Variants in GPR158 observed in about 807,000 individuals in gnomAD.
GPR158 encodes metabotropic glycine receptor.
GPR158 carries 30 observed loss-of-function variants against 78.2 expected under a neutral mutation model. The observed-to-expected ratio is 0.38, with a 90% CI of 0.29 to 0.52. The LOEUF (loss-of-function observed/expected upper bound fraction) is 0.52. Among genes scored for constraint, GPR158 ranks in the 20% least tolerant of loss-of-function variants. The probability of loss-of-function intolerance (pLI) is 0.83; values close to 1 mark genes in which losing one functional copy is unlikely to be tolerated. For missense variants in GPR158, 1,463 were observed against 1,523.5 expected (o/e 0.96, Z 0.66); for synonymous variants, 581 against 591.1 (o/e 0.98, Z 0.25).
chr10:25,433,570 T>TGTGTGTAC, intron 4 of GPR158, among the ~76,000 whole-genome samples: 1 of 128,750 alleles, frequency 7.8e-6, no homozygotes, highest in African/African-American at 2.8e-5. Flanking sequence ...TGTGTGTGTG[T>TGTGTGTAC]GCGCGCGCGC....
At chr10:25,220,481 A>G (rs1343784972) in intron 1 of GPR158, among the ~76,000 whole-genome samples, 1 of 152,224 alleles carries the variant, frequency 6.6e-6, no homozygotes, top group East Asian at 1.9e-4. Context: ...TTAAAAGAAA[A>G]AAGAATGTAG....
intron 1 of GPR158, among the ~76,000 whole-genome samples, chr10:25,200,623 T>C (rs781666723): frequency 6.6e-6 from 1 of 152,184 alleles, no homozygotes; most frequent in Non-Finnish European, 1.5e-5. Flanking sequence ...TCCAGGGTTT[T>C]TATAGTCTTA....
intron 7 of GPR158, among the ~76,000 whole-genome samples, chr10:25,586,451 T>C (rs1199119263): frequency 7.0e-6 from 1 of 143,060 alleles, no homozygotes; most frequent in African/African-American, 2.7e-5. Flanking sequence ...TCACCCAGGC[T>C]GGAGTGCAGT....
chr10:25,335,092 A>G (rs576932339), intron 2 of GPR158, among the ~76,000 whole-genome samples: 33 of 152,202 alleles, frequency 2.2e-4, no homozygotes, highest in African/African-American at 7.9e-4. Context: ...TGCTACAGAT[A>G]CTTATTCAGG....
At chr10:25,186,442 T>G (rs1471456422) in intron 1 of GPR158, among the ~76,000 whole-genome samples, 4 of 152,134 alleles carry the variant, frequency 2.6e-5, no homozygotes, top group Non-Finnish European at 5.9e-5. Context: ...GAGCTGTTTT[T>G]TTGAAAAGAT....
At position 25,205,534 on chromosome 10, in the gene GPR158, C is replaced by T. The variant is rs1280573451; in HGVS notation, c.903-15518C>T. Among the ~76,000 whole-genome samples, 8 of 151,978 alleles carry T rather than the reference C, an allele frequency of 5.3e-5. No individual in the cohort carries two copies. In the East Asian group the frequency reaches 1.5e-3, roughly 29 times the overall value. The stretch of plus-strand genomic sequence containing the variant: ...GATGTTCGGCTGTTAATTTGAGATC[C>T]TTCTTTTTTGGTGTGGGCAGTTAGC... On this transcript the variant is annotated intron_variant, in intron 1 of 10. Transcript: ENST00000376351.
intron 5 of GPR158, among the ~76,000 whole-genome samples, chr10:25,513,189 T>C (rs1002196347): frequency 2.6e-5 from 4 of 151,906 alleles, no homozygotes; most frequent in Non-Finnish European, 2.9e-5. Flanking sequence ...TTGTTGGCAA[T>C]TTTTTAATTA....
At chr10:25,547,323 A>G (rs1299454504) in intron 5 of GPR158, among the ~76,000 whole-genome samples, 2 of 151,502 alleles carry the variant, frequency 1.3e-5, no homozygotes, top group African/African-American at 2.4e-5. Flanking sequence ...ATAAAATCTG[A>G]ATTCTCCACC....
At chr10:25,492,543 A>G (rs1397972295) in intron 5 of GPR158, among the ~76,000 whole-genome samples, 2 of 152,072 alleles carry the variant, frequency 1.3e-5, no homozygotes, top group Admixed American at 6.6e-5. Flanking sequence ...CTTCAACACT[A>G]CCTTGAAAAG....
chr10:25,265,912 A>G (rs914231670), intron 2 of GPR158, among the ~76,000 whole-genome samples: 1 of 152,152 alleles, frequency 6.6e-6, no homozygotes, highest in Non-Finnish European at 1.5e-5. Flanking sequence ...CTCTGATGTT[A>G]CCACCCGCCT....
chr10:25,364,032 T>C (rs1855680820), intron 2 of GPR158, among the ~76,000 whole-genome samples: 1 of 151,938 alleles, frequency 6.6e-6, no homozygotes, highest in Non-Finnish European at 1.5e-5. Flanking sequence ...CTTAAAATAA[T>C]GCCTAGCGTA....
intron 4 of GPR158, among the ~76,000 whole-genome samples, chr10:25,430,806 C>A (rs1382250062): frequency 2.7e-4 from 41 of 149,226 alleles, no homozygotes; most frequent in Non-Finnish European, 4.8e-4. Flanking sequence ...ACTGGCTAGC[C>A]ATATGTAGAA....
At chr10:25,204,982 C>T (rs1470003918) in intron 1 of GPR158, among the ~76,000 whole-genome samples, 1 of 151,872 alleles carries the variant, frequency 6.6e-6, no homozygotes, top group Non-Finnish European at 1.5e-5. Context: ...GGGGTGGCTT[C>T]CCCCATACTG....
chr10:25,188,295 T>C (rs904674684), intron 1 of GPR158, among the ~76,000 whole-genome samples: 1 of 152,200 alleles, frequency 6.6e-6, no homozygotes, highest in Non-Finnish European at 1.5e-5. Context: ...TTAAAGTTCA[T>C]GTGGAGCCAA....
intron 2 of GPR158, among the ~76,000 whole-genome samples, chr10:25,362,747 T>C (rs1855659234): frequency 6.6e-6 from 1 of 151,958 alleles, no homozygotes; most frequent in African/African-American, 2.4e-5. Context: ...ATGCTCAGTG[T>C]TAGTGTATAG....
chr10:25,414,724 T>G (rs1264639869), intron 4 of GPR158, among the ~76,000 whole-genome samples: 1 of 152,182 alleles, frequency 6.6e-6, no homozygotes, highest in Non-Finnish European at 1.5e-5. Flanking sequence ...TGATCTCTTT[T>G]GTAGCAATAT....
In GPR158 at chr10:25,292,012, A is replaced by T. The variant is rs556423885; in HGVS notation, c.1008+70855A>T. On this transcript the variant is annotated intron_variant, in intron 2 of 10. Transcript: ENST00000376351. ...TTACTCAAAAAATGTAGATTTTTGC[A>T]TAAACTTGGCCCCGGCAGTTCCAAA... 2.6e-5 allele frequency among the ~76,000 whole-genome samples: 4 copies of T among 152,230 alleles called. No homozygotes were observed. The South Asian group carries it at 8.3e-4, about 32-fold the overall frequency.
At chr10:25,478,248 G>A (rs374693722) in intron 5 of GPR158, among the ~76,000 whole-genome samples, 9 of 152,250 alleles carry the variant, frequency 5.9e-5, no homozygotes, top group South Asian at 2.1e-4. Flanking sequence ...TCAGTGAAAA[G>A]CAACAGGTTA....
At chr10:25,439,859 G>A (rs1835045385) in intron 4 of GPR158, among the ~76,000 whole-genome samples, 1 of 152,018 alleles carries the variant, frequency 6.6e-6, no homozygotes, top group African/African-American at 2.4e-5. Context: ...TTGTTCTTTG[G>A]CATTCTCTCT....
Sources: gnomAD v4.1 joint callset for allele counts (sites outside exome capture counted in the v4.1 genomes callset) on GRCh38, gnomAD v4.1.1 for gene constraint, MANE v1.5 for transcripts, NCBI Gene and HGNC (gene_info 2026-07-23, HGNC 2026-07-21) for gene names.